Variants in DOCK5 observed in about 807,000 individuals in gnomAD.
DOCK5 encodes dedicator of cytokinesis protein 5.
In DOCK5, 142 loss-of-function variants were observed where a neutral mutation model predicts 251.8. That is an observed-to-expected ratio of 0.56 (90% CI 0.49 to 0.65). The LOEUF (loss-of-function observed/expected upper bound fraction) is 0.65. Among genes scored for constraint, DOCK5 ranks in the 30% least tolerant of loss-of-function variants. The pLI, the probability that DOCK5 is intolerant of heterozygous loss-of-function variation, is 0.00. For missense variants in DOCK5, 2,111 were observed against 2,312.3 expected (o/e 0.91, Z 1.79); for synonymous variants, 842 against 835.5 (o/e 1.01, Z -0.13).
chr8:25,225,098 A>G (rs923834927), intron 1 of DOCK5, among the ~76,000 whole-genome samples: 1 of 152,184 alleles, frequency 6.6e-6, no homozygotes, highest in Non-Finnish European at 1.5e-5. Flanking sequence ...AAACCAAAAT[A>G]AATGGTCATC....
chr8:25,293,629 C>T (rs988509211), intron 6 of DOCK5, among the ~76,000 whole-genome samples: 1 of 152,088 alleles, frequency 6.6e-6, no homozygotes, highest in Non-Finnish European at 1.5e-5. Context: ...TTAATAGTGC[C>T]CTTCCCTATT....
At chr8:25,246,857 C>G (rs935295289) in intron 2 of DOCK5, among the ~76,000 whole-genome samples, 3 of 151,008 alleles carry the variant, frequency 2.0e-5, no homozygotes, top group African/African-American at 7.3e-5. Flanking sequence ...GAGACTTGGT[C>G]TGAAATAAAG....
In DOCK5 at chr8:25,374,593, G is replaced by A. The variant is rs774216444; in HGVS notation, c.3755G>A (p.Arg1252Gln). 15 of 1,611,306 alleles carry A rather than the reference G, an allele frequency of 9.3e-6. No homozygotes were observed. Among genetic ancestry groups the A allele is most frequent in the African/African-American group, 1.3e-5 (1 of 74,596 alleles). ...RYLYKLRDLH[R>Q]DCENYTEAAY... is the part of the protein sequence containing the mutation. ...CTGTACAAGCTTCGAGATTTGCACCGAGACTGTGAGAACTACACAGAAGCT... is the reference window on the plus strand; with the variant it reads ...CTGTACAAGCTTCGAGATTTGCACCAAGACTGTGAGAACTACACAGAAGCT... The change falls in exon 37 of 52, where the codon CGA (arginine) becomes CAA (glutamine). Residue 1252 changes from arginine to glutamine, a missense_variant. Arg to Gln is a conservative substitution (Grantham distance 43). Coordinates refer to ENST00000276440, the MANE Select transcript of DOCK5 (RefSeq NM_024940.8).
At chr8:25,278,504 T>A in intron 4 of DOCK5, 65 bp from the exon 5 acceptor site, 1 of 1,508,796 alleles carries the variant, frequency 6.6e-7, no homozygotes, top group East Asian at 2.3e-5. Flanking sequence ...GGAAGTCTGA[T>A]CCCCATCAAG....
chr8:25,228,498 A>C (rs544328302), intron 1 of DOCK5, among the ~76,000 whole-genome samples: 1 of 152,316 alleles, frequency 6.6e-6, no homozygotes, highest in East Asian at 1.9e-4. Flanking sequence ...GTGTGCCCAC[A>C]ATGGCAGCTC....
chr8:25,235,413 A>G (rs1425238962), intron 1 of DOCK5, among the ~76,000 whole-genome samples: 2 of 152,036 alleles, frequency 1.3e-5, no homozygotes, highest in Non-Finnish European at 2.9e-5. Flanking sequence ...GGCACACACC[A>G]TTATGCCTGG....
At chr8:25,257,874 C>T (rs1803459281) in intron 2 of DOCK5, among the ~76,000 whole-genome samples, 1 of 152,086 alleles carries the variant, frequency 6.6e-6, no homozygotes, top group Admixed American at 6.6e-5. Context: ...CTGACAAAAC[C>T]ACATGCTACC....
Position 25,184,866 on chromosome 8 carries a change from GTAGCAGCCT to G in DOCK5, c.-39_-31del. On this transcript the variant is annotated 5_prime_UTR_variant, in exon 1 of 52. Transcript: ENST00000276440. ...GGCGGCGGCCGGAGCCCGAGGAGCT[GTAGCAGCCT>G]TAGTCGCCGCCGCCGCGGGGCGAGG... The G allele has an allele frequency of 7.5e-7, 1 of 1,335,204 alleles. No individual in the cohort carries two copies. Among genetic ancestry groups the G allele is most frequent in the Non-Finnish European group, 9.6e-7 (1 of 1,037,414 alleles). 82.7% of individuals were successfully genotyped at this position (1,335,204 alleles called of 1,614,324 possible).
In DOCK5 at chr8:25,402,996, C is replaced by G. The variant is rs140209042; in HGVS notation, c.4927-562C>G. On this transcript the variant is annotated intron_variant, in intron 47 of 51. Transcript: ENST00000276440. ...AGCATTTGTCTTTTGCACACACATTCCTAGACAGCAAAGACTGTCTTCGAT... is the reference window on the plus strand; with the variant it reads ...AGCATTTGTCTTTTGCACACACATTGCTAGACAGCAAAGACTGTCTTCGAT... 3.4e-3 allele frequency among the ~76,000 whole-genome samples: 515 copies of G among 152,272 alleles called. 3 individuals carry two copies. Among genetic ancestry groups the G allele is most frequent in the South Asian group, 0.028 (136 of 4,824 alleles).
chr8:25,310,552 C>G lies in DOCK5; in HGVS notation c.1318+20C>G, dbSNP rs1456797336. 1.3e-6 allele frequency: 2 copies of G among 1,590,564 alleles called. No homozygotes were observed. Among genetic ancestry groups the G allele is most frequent in the African/African-American group, 1.4e-5 (1 of 74,034 alleles). Reference sequence around the variant, plus strand: ...TGCCAGGTAAGCACTTTGCATGGCTCACCTGTTTGCTTCCTCCTGTTCAGC... The same window carrying G: ...TGCCAGGTAAGCACTTTGCATGGCTGACCTGTTTGCTTCCTCCTGTTCAGC... On this transcript the variant is annotated intron_variant, in intron 13 of 51. Transcript: ENST00000276440.
intron 1 of DOCK5, among the ~76,000 whole-genome samples, chr8:25,186,520 G>A (rs748010317): frequency 2.0e-5 from 3 of 151,844 alleles, no homozygotes; most frequent in Non-Finnish European, 4.4e-5. Context: ...CTGGGATTAC[G>A]GGCTTGCATC....
rs193035629 is a variant in DOCK5 at position 25,221,141 on chromosome 8, C to T, written c.44-22533C>T. Among the ~76,000 whole-genome samples, 600 of 152,250 alleles carry T rather than the reference C, an allele frequency of 3.9e-3. 2 individuals carry two copies. The highest frequency in any genetic ancestry group is 8.2e-3 in the Admixed American group (125 of 15,282). The stretch of plus-strand genomic sequence containing the variant: ...GTCCCCCCCATTGTTGGGTATTTAG[C>T]TTGTTTGCTGCTTCTCCCAGTTTAT... On this transcript the variant is annotated intron_variant, in intron 1 of 51. Coordinates refer to ENST00000276440, the MANE Select transcript of DOCK5 (RefSeq NM_024940.8).
intron 2 of DOCK5, among the ~76,000 whole-genome samples, chr8:25,256,448 G>A (rs1003835258): frequency 1.3e-5 from 2 of 151,978 alleles, no homozygotes; most frequent in African/African-American, 4.8e-5. Context: ...AGACCAGCCT[G>A]GCCAACATGG....
chr8:25,280,832 G>T (rs1466866786), intron 5 of DOCK5, among the ~76,000 whole-genome samples: 1 of 152,176 alleles, frequency 6.6e-6, no homozygotes, highest in Admixed American at 6.5e-5. Flanking sequence ...TCTGGTTCTG[G>T]TTTATTGATT....
At chr8:25,355,713 G>T (rs377398410) in intron 27 of DOCK5, among the ~76,000 whole-genome samples, 9 of 152,234 alleles carry the variant, frequency 5.9e-5, no homozygotes, top group African/African-American at 2.2e-4. Context: ...GCATCCTAAA[G>T]TGCTGGGATT....
chr8:25,344,124 G>C (rs1306342465), intron 25 of DOCK5, among the ~76,000 whole-genome samples: 3 of 152,140 alleles, frequency 2.0e-5, no homozygotes, highest in Admixed American at 2.0e-4. Context: ...TTTTCTTTAG[G>C]GGGTAGGCTG....
At position 25,240,510 on chromosome 8, in the gene DOCK5, T is replaced by C. The variant is rs2709598; in HGVS notation, c.44-3164T>C. Among the ~76,000 whole-genome samples, 1,340 of 152,286 alleles carry C rather than the reference T, an allele frequency of 8.8e-3. 14 individuals carry two copies. The highest frequency in any genetic ancestry group is 0.031 in the African/African-American group (1,276 of 41,544). ...AACCAATAATCTCCTATATTGCCTTTGATAGATTTGCTAAATTCTGGACAT... is the reference window on the plus strand; with the variant it reads ...AACCAATAATCTCCTATATTGCCTTCGATAGATTTGCTAAATTCTGGACAT... On this transcript the variant is annotated intron_variant, in intron 1 of 51. Coordinates refer to ENST00000276440, the MANE Select transcript of DOCK5 (RefSeq NM_024940.8).
At chr8:25,387,930 G>A (rs1801192584) in intron 40 of DOCK5, among the ~76,000 whole-genome samples, 1 of 152,102 alleles carries the variant, frequency 6.6e-6, no homozygotes, top group Admixed American at 6.5e-5. Flanking sequence ...CATACAACTA[G>A]CGTTGTATTA....
intron 1 of DOCK5, among the ~76,000 whole-genome samples, chr8:25,231,461 C>T (rs1802666597): frequency 6.6e-6 from 1 of 152,082 alleles, no homozygotes; most frequent in African/African-American, 2.4e-5. Context: ...TTATCATAAC[C>T]AAGCAATTTC....
Sources: gnomAD v4.1 joint callset for allele counts (sites outside exome capture counted in the v4.1 genomes callset) on GRCh38, gnomAD v4.1.1 for gene constraint, MANE v1.5 for transcripts, NCBI Gene and HGNC (gene_info 2026-07-23, HGNC 2026-07-21) for gene names.